Variants in SRGAP2 observed in about 807,000 individuals in gnomAD.
SRGAP2 encodes SLIT-ROBO Rho GTPase-activating protein 2.
SRGAP2 carries 15 observed loss-of-function variants against 57.2 expected under a neutral mutation model. The observed-to-expected ratio is 0.26, with a 90% CI of 0.18 to 0.40. The LOEUF (loss-of-function observed/expected upper bound fraction) is 0.40. Among genes scored for constraint, SRGAP2 ranks in the 10% least tolerant of loss-of-function variants. SRGAP2 has a pLI of 1.00. For missense variants in SRGAP2, 520 were observed against 669.6 expected, an observed-to-expected ratio of 0.78 and a Z score of 2.47; for synonymous variants, 249 against 248.0, an observed-to-expected ratio of 1.00 and a Z score of -0.04.
chr1:206,270,640 A>C (rs1330752835), intron 2 of SRGAP2, among the ~76,000 whole-genome samples: 1 of 147,306 alleles, frequency 6.8e-6, no homozygotes, highest in Non-Finnish European at 1.5e-5. Flanking sequence ...ATGCAGTGGA[A>C]TGCTATGCAG....
chr1:206,278,979 A>G (rs1343833236), intron 2 of SRGAP2, among the ~76,000 whole-genome samples: 1 of 149,096 alleles, frequency 6.7e-6, no homozygotes, highest in Non-Finnish European at 1.5e-5. Context: ...GAGATGCCTG[A>G]TTACATCATA....
chr1:206,327,957 C>T (rs1382163411), intron 3 of SRGAP2, among the ~76,000 whole-genome samples: 1 of 94,396 alleles, frequency 1.1e-5, no homozygotes, highest in East Asian at 3.7e-4. Context: ...TCCCTCCCCC[C>T]TCCCCCCACC....
At chr1:206,239,190 A>G (rs1324483493) in intron 2 of SRGAP2, among the ~76,000 whole-genome samples, 1 of 147,090 alleles carries the variant, frequency 6.8e-6, no homozygotes, top group Non-Finnish European at 1.5e-5. Flanking sequence ...TTGGTCAGGA[A>G]GGTGACAGCA....
At chr1:206,268,138 A>G (rs1553315171) in intron 2 of SRGAP2, among the ~76,000 whole-genome samples, 1 of 150,832 alleles carries the variant, frequency 6.6e-6, no homozygotes, top group African/African-American at 2.4e-5. Flanking sequence ...CACAATGTGC[A>G]GTTTTGTTAC....
At chr1:206,418,325 G>C (rs1384263277) in intron 11 of SRGAP2, among the ~76,000 whole-genome samples, 2 of 152,194 alleles carry the variant, frequency 1.3e-5, no homozygotes, top group Admixed American at 1.3e-4. Context: ...AGACAGTTAG[G>C]GGTAGGGGAT....
chr1:206,360,101 C>T (rs376370606), intron 4 of SRGAP2, among the ~76,000 whole-genome samples: 2 of 152,068 alleles, frequency 1.3e-5, no homozygotes, highest in Admixed American at 6.5e-5. Context: ...CCACCGCGCC[C>T]GGCCGATATT....
intron 14 of SRGAP2, among the ~76,000 whole-genome samples, chr1:206,433,188 T>C (rs1661421080): frequency 2.0e-5 from 3 of 152,144 alleles, no homozygotes; most frequent in African/African-American, 7.2e-5. Flanking sequence ...GCAGGAAGGA[T>C]GAATCTAGGA....
intron 10 of SRGAP2, among the ~76,000 whole-genome samples, chr1:206,412,696 C>T (rs117237390): frequency 0.013 from 1,919 of 150,990 alleles, 24 homozygotes; most frequent in South Asian, 0.027. Context: ...CATTCTTCAG[C>T]GGTCTCAGCT....
chr1:206,324,359 G>T (rs527361704), intron 3 of SRGAP2, among the ~76,000 whole-genome samples: 2 of 152,134 alleles, frequency 1.3e-5, no homozygotes, highest in African/African-American at 4.8e-5. Flanking sequence ...GGACTGTGTT[G>T]ATAATCAAGC....
rs1183299233 is a variant in SRGAP2, at chr1:206,461,797, C to T, written c.*377C>T. ...GACCAGATGGTTGGCTACTGCCATC[C>T]AGCTTTCAGTGGCATCTTGTTTTGG... On this transcript the variant is annotated 3_prime_UTR_variant, in exon 23 of 23. Coordinates refer to ENST00000573034, the MANE Select transcript of SRGAP2 (RefSeq NM_015326.5). 1 of 199,444 alleles carries T rather than the reference C, an allele frequency of 5.0e-6. No homozygotes were observed. The highest frequency in any genetic ancestry group is 1.0e-5 in the Non-Finnish European group (1 of 97,178). The allele number at this position is 199,444 out of a possible 1,614,324, so 12.4% of individuals were successfully genotyped here.
At chr1:206,431,391 ATAAGT>A (rs2103293236) in intron 14 of SRGAP2, among the ~76,000 whole-genome samples, 2 of 152,340 alleles carry the variant, frequency 1.3e-5, no homozygotes, top group African/African-American at 4.8e-5. Flanking sequence ...TAAGCAAGTG[ATAAGT>A]TAAATAAAAA....
chr1:206,354,748 CTCTCTCCT>C (rs1676304984), intron 4 of SRGAP2, among the ~76,000 whole-genome samples: 2 of 151,370 alleles, frequency 1.3e-5, no homozygotes, highest in South Asian at 2.1e-4. Flanking sequence ...CTTTCTCTCT[CTCTCTCCT>C]TCTCTCCCTC....
At position 206,462,352 on chromosome 1, in the gene SRGAP2, TG is replaced by T. The variant is rs1664326315; in HGVS notation, c.*934del. On this transcript the variant is annotated 3_prime_UTR_variant, in exon 23 of 23. Transcript: ENST00000573034. ...TTCCTGTATAAGACAGTTTTATAGC[TG>T]GTTCCTTTTAGGGTAAAGAGTCTTA... 1 of 152,674 alleles carries T rather than the reference TG, an allele frequency of 6.5e-6. No homozygotes were observed. Among genetic ancestry groups the T allele is most frequent in the East Asian group, 1.9e-4 (1 of 5,206 alleles). The allele number at this position is 152,674 out of a possible 1,614,324, so 9.5% of individuals were successfully genotyped here. A position where few individuals can be genotyped will look rare whatever the true frequency, so the allele number is the denominator to read the frequency against.
chr1:206,442,432 G>A (rs1318628943), intron 17 of SRGAP2, among the ~76,000 whole-genome samples: 2 of 152,114 alleles, frequency 1.3e-5, no homozygotes, highest in African/African-American at 2.4e-5. Flanking sequence ...CATGAGCCTC[G>A]TCTGTGCCCC....
At chr1:206,339,416 C>T (rs1252412536) in intron 3 of SRGAP2, among the ~76,000 whole-genome samples, 1 of 145,918 alleles carries the variant, frequency 6.9e-6, no homozygotes, top group Admixed American at 6.8e-5. Flanking sequence ...AAAAAATAAA[C>T]CTATGCAAAG....
Position 206,454,982 on chromosome 1 carries a change from G to A in SRGAP2, c.2465G>A (p.Ser822Asn), listed in dbSNP as rs1663698364. Residue 822 changes from serine (S) to asparagine (N), a missense_variant, in exon 21 of 23, where the codon AGT becomes AAT. Transcript: ENST00000573034. This position sits in a 1 kb window ranked among gnomAD's most constrained non-coding sequence, Gnocchi z 4.3. ...VTARAGASCPSGGHVADIYLA... is the reference protein window; with the variant it reads ...VTARAGASCPNGGHVADIYLA... ...GCCAGAGCGGGGGCCAGCTGTCCCA[G>A]TGGGGGTCATGTAGCCGATATTTAT... 1.3e-6 allele frequency: 1 copy of A among 780,952 alleles called. No homozygotes were observed. The highest frequency in any genetic ancestry group is 1.7e-5 in the Admixed American group (1 of 59,054). The allele number at this position is 780,952 out of a possible 1,614,324, so 48.4% of individuals were successfully genotyped here.
intron 21 of SRGAP2, chr1:206,456,142 CTTG>C (rs1663813746): frequency 6.6e-6 from 1 of 152,192 alleles, no homozygotes; most frequent in Non-Finnish European, 1.5e-5. Context: ...ATAAAGGATG[CTTG>C]TTGTTTTTAA....
intron 2 of SRGAP2, among the ~76,000 whole-genome samples, chr1:206,248,800 C>A (rs1668656208): frequency 6.7e-6 from 1 of 149,960 alleles, no homozygotes; most frequent in Non-Finnish European, 1.5e-5. Context: ...CAGACTCTGT[C>A]CCTCTTTACT....
At chr1:206,442,595 A>T (rs915528181) in intron 17 of SRGAP2, among the ~76,000 whole-genome samples, 1 of 152,226 alleles carries the variant, frequency 6.6e-6, no homozygotes, top group African/African-American at 2.4e-5. Context: ...ACTATTGAAG[A>T]CAGCATAGGA....
Sources: allele counts gnomAD v4.1 joint callset (sites outside exome capture counted in the v4.1 genomes callset), GRCh38; gene constraint gnomAD v4.1.1; non-coding constraint Gnocchi (gnomAD v3.1); transcripts MANE v1.5; gene names NCBI Gene and HGNC (gene_info 2026-07-23, HGNC 2026-07-21).